Variants in TBC1D32 observed in about 807,000 individuals in gnomAD.
TBC1D32 encodes protein broad-minded.
TBC1D32 carries 151 observed loss-of-function variants against 170.3 expected under a neutral mutation model. The ratio of observed to expected loss-of-function variants is 0.89; its 90% confidence interval spans 0.78 to 1.01. TBC1D32 has a LOEUF of 1.01. TBC1D32 is among the 50% of genes least tolerant of loss of function. The pLI is 0.00. For missense variants in TBC1D32, 1,464 were observed against 1,457.1 expected (o/e 1.00, Z -0.08); for synonymous variants, 498 against 488.0 (o/e 1.02, Z -0.27).
chr6:121,295,518 G>A (rs980194549), intron 10 of TBC1D32, among the ~76,000 whole-genome samples: 2 of 152,008 alleles, frequency 1.3e-5, no homozygotes, highest in East Asian at 1.9e-4. Context: ...ACCAGCAACT[G>A]TATCTTAGAG....
chr6:121,135,872 C>T (rs142045478), intron 24 of TBC1D32, among the ~76,000 whole-genome samples: 1,701 of 152,134 alleles, frequency 0.011, 7 homozygotes, highest in Middle Eastern at 0.027. Context: ...TAAAGTAAGG[C>T]AATTATACAT....
intron 19 of TBC1D32, among the ~76,000 whole-genome samples, chr6:121,240,305 A>G (rs1370654134): frequency 7.0e-6 from 1 of 142,532 alleles, no homozygotes; most frequent in Non-Finnish European, 1.5e-5. Context: ...ACTGCACTAC[A>G]TGAATTTTAT....
intron 18 of TBC1D32, 70 bp from the exon 19 acceptor site, chr6:121,241,622 A>G (rs1340110164): frequency 1.6e-6 from 2 of 1,278,302 alleles, no homozygotes; most frequent in Non-Finnish European, 2.3e-6. Context: ...CATTCCTTCA[A>G]GATGGTAAGA....
intron 22 of TBC1D32, among the ~76,000 whole-genome samples, chr6:121,198,394 A>G (rs1321821852): frequency 6.7e-6 from 1 of 150,180 alleles, no homozygotes; most frequent in Non-Finnish European, 1.5e-5. Context: ...CAAATGCCAC[A>G]TAAAACTTGC....
intron 21 of TBC1D32, among the ~76,000 whole-genome samples, chr6:121,210,041 G>C (rs1169538673): frequency 6.6e-6 from 1 of 152,142 alleles, no homozygotes; most frequent in East Asian, 1.9e-4. Context: ...GTATATTAAA[G>C]GAAAAGGGTA....
chr6:121,289,081 T>G (rs1204954584), intron 12 of TBC1D32, among the ~76,000 whole-genome samples: 1 of 152,194 alleles, frequency 6.6e-6, no homozygotes, highest in Admixed American at 6.5e-5. Flanking sequence ...GCATTCCTTT[T>G]CAAAACTGGC....
At chr6:121,198,419 C>T in intron 22 of TBC1D32, among the ~76,000 whole-genome samples, 1 of 150,052 alleles carries the variant, frequency 6.7e-6, no homozygotes, top group Middle Eastern at 3.2e-3. Flanking sequence ...ATGCTCAGGA[C>T]AGGCTTAGGG....
intron 31 of TBC1D32, among the ~76,000 whole-genome samples, chr6:121,089,902 G>A (rs915146583): frequency 4.6e-4 from 70 of 151,626 alleles, no homozygotes; most frequent in Non-Finnish European, 6.5e-4. Flanking sequence ...GGCAAAGGTA[G>A]TAGGGATAAG....
chr6:121,174,623 C>T (rs1426836442), intron 22 of TBC1D32, among the ~76,000 whole-genome samples: 1 of 152,104 alleles, frequency 6.6e-6, no homozygotes, highest in Non-Finnish European at 1.5e-5. Context: ...GGAGGTCTAA[C>T]ATGATTAGAT....
At chr6:121,235,965 T>C (rs1270688179) in intron 20 of TBC1D32, among the ~76,000 whole-genome samples, 1 of 152,178 alleles carries the variant, frequency 6.6e-6, no homozygotes, top group Non-Finnish European at 1.5e-5. Context: ...TGAAAATCTG[T>C]ATTTTAATTA....
chr6:121,103,364 G>C (rs1220208814), intron 30 of TBC1D32, among the ~76,000 whole-genome samples: 1 of 151,904 alleles, frequency 6.6e-6, no homozygotes, highest in Admixed American at 6.6e-5. Context: ...ACTCGATTAG[G>C]AAAATGTGGC....
intron 21 of TBC1D32, among the ~76,000 whole-genome samples, chr6:121,209,594 C>G (rs1273361469): frequency 6.6e-6 from 1 of 152,118 alleles, no homozygotes; most frequent in Non-Finnish European, 1.5e-5. Context: ...CTTCCTGTGT[C>G]TGGCTTATTT....
At chr6:121,302,880 A>C (rs1806701606) in intron 9 of TBC1D32, among the ~76,000 whole-genome samples, 1 of 152,178 alleles carries the variant, frequency 6.6e-6, no homozygotes, top group Non-Finnish European at 1.5e-5. Context: ...ACTTAGCAGA[A>C]GGCACAAAGC....
chr6:121,242,400 G>A (rs777146380), intron 17 of TBC1D32, 61 bp from the exon 18 acceptor site: 6 of 1,535,076 alleles, frequency 3.9e-6, no homozygotes, highest in African/African-American at 1.4e-5. Flanking sequence ...AAAACAAAGA[G>A]TATGTCTTAG....
chr6:121,144,110 G>A (rs928934315), intron 24 of TBC1D32, among the ~76,000 whole-genome samples: 5 of 152,084 alleles, frequency 3.3e-5, no homozygotes, highest in African/African-American at 1.2e-4. Context: ...TGGGAATAAT[G>A]TCTTATTCAA....
chr6:121,226,391 T>G (rs1021244665), intron 20 of TBC1D32, among the ~76,000 whole-genome samples: 1 of 152,138 alleles, frequency 6.6e-6, no homozygotes, highest in African/African-American at 2.4e-5. Context: ...AGGCAGGCAG[T>G]CAGGCAGAGA....
intron 26 of TBC1D32, 35 bp downstream of exon 26, chr6:121,126,343 A>C (rs763194342): frequency 6.8e-7 from 1 of 1,463,728 alleles, no homozygotes; most frequent in South Asian, 1.2e-5. Context: ...TTACATACTG[A>C]GTCTTTTTCA....
intron 9 of TBC1D32, among the ~76,000 whole-genome samples, chr6:121,300,632 AAGACTTC>A (rs945303836): frequency 1.3e-5 from 2 of 152,198 alleles, no homozygotes; most frequent in Non-Finnish European, 2.9e-5. Context: ...GGCATGGGCA[AAGACTTC>A]ATGACTAAAA....
At chr6:121,274,435 T>A (rs1475094695) in intron 15 of TBC1D32, among the ~76,000 whole-genome samples, 1 of 145,276 alleles carries the variant, frequency 6.9e-6, no homozygotes, top group Non-Finnish European at 1.5e-5. Context: ...CAGAAAAAAA[T>A]TCCCAGAAAA....
Sources: gnomAD v4.1 joint callset for allele counts (sites outside exome capture counted in the v4.1 genomes callset) on GRCh38, gnomAD v4.1.1 for gene constraint, MANE v1.5 for transcripts, NCBI Gene and HGNC (gene_info 2026-07-23, HGNC 2026-07-21) for gene names.